The following CALN1 variants were observed in gnomAD, a reference collection of about 807,000 sequenced individuals.
The protein encoded by CALN1 is calcium-binding protein 8.
Under a neutral mutation model 30.6 loss-of-function variants are expected in CALN1, and 17 were observed. That is an observed-to-expected ratio of 0.56 (90% CI 0.38 to 0.83). The LOEUF (loss-of-function observed/expected upper bound fraction) is 0.83, where lower values mean the gene tolerates loss of function less well. Ranked by LOEUF, CALN1 falls within the 40% of genes least tolerant of loss-of-function variation. CALN1 has a pLI of 0.00. For missense variants in CALN1, 291 were observed against 354.9 expected, an observed-to-expected ratio of 0.82 and a Z score of 1.45; for synonymous variants, 156 against 131.4, an observed-to-expected ratio of 1.19 and a Z score of -1.28.
intron 5 of CALN1, among the ~76,000 whole-genome samples, chr7:71,843,397 T>C (rs548843434): frequency 2.0e-4 from 30 of 152,152 alleles, no homozygotes; most frequent in African/African-American, 6.3e-4. Context: ...GGGGGATGAA[T>C]TGCTTGAGCT....
chr7:72,093,573 T>G (rs538192447), intron 4 of CALN1, among the ~76,000 whole-genome samples: 16 of 152,318 alleles, frequency 1.1e-4, no homozygotes, highest in Non-Finnish European at 2.1e-4. Flanking sequence ...TTATTTAAAG[T>G]AAGGCTTTGG....
intron 5 of CALN1, among the ~76,000 whole-genome samples, chr7:71,926,049 C>G (rs1795254315): frequency 6.6e-6 from 1 of 152,126 alleles, no homozygotes. Context: ...ACAACTGTCA[C>G]AACTCAGATC....
intron 2 of CALN1, among the ~76,000 whole-genome samples, chr7:72,289,188 C>G (rs541252562): frequency 1.8e-4 from 28 of 152,152 alleles, no homozygotes; most frequent in African/African-American, 6.8e-4. Flanking sequence ...CTGGACAATT[C>G]TAAGTCATTA....
chr7:72,363,423 G>C (rs570083999), intron 2 of CALN1, among the ~76,000 whole-genome samples: 1 of 152,014 alleles, frequency 6.6e-6, no homozygotes, highest in African/African-American at 2.4e-5. Context: ...ATTTTTAGTA[G>C]AGAAGGGGTT....
At chr7:72,032,230 T>C (rs574575469) in intron 4 of CALN1, among the ~76,000 whole-genome samples, 5 of 151,488 alleles carry the variant, frequency 3.3e-5, no homozygotes, top group African/African-American at 9.7e-5. Flanking sequence ...AGCTAATTTT[T>C]TGTATTTTTA....
chr7:71,985,800 G>T (rs532459565), intron 5 of CALN1, among the ~76,000 whole-genome samples: 6 of 151,956 alleles, frequency 3.9e-5, no homozygotes, highest in African/African-American at 1.4e-4. Flanking sequence ...GTGTTGGCCA[G>T]GCTGGTCTTG....
intron 6 of CALN1, among the ~76,000 whole-genome samples, chr7:71,797,104 T>C (rs187435923): frequency 2.9e-4 from 44 of 152,320 alleles, no homozygotes; most frequent in African/African-American, 9.9e-4. Flanking sequence ...AACAGGTTCA[T>C]AATCCCTCTG....
intron 3 of CALN1, among the ~76,000 whole-genome samples, chr7:72,109,042 C>CTT (rs1807375787): frequency 6.6e-6 from 1 of 152,152 alleles, no homozygotes. Context: ...CTTTTCTGAG[C>CTT]GGTAAGCACC....
intron 1 of CALN1, among the ~76,000 whole-genome samples, chr7:72,407,238 AC>A (rs1806761205): frequency 1.3e-5 from 2 of 152,180 alleles, no homozygotes; most frequent in South Asian, 4.1e-4. Flanking sequence ...TCTGGGCTTC[AC>A]TTTCCTGATC....
intron 5 of CALN1, among the ~76,000 whole-genome samples, chr7:71,861,296 C>A (rs1187375998): frequency 6.6e-6 from 1 of 152,120 alleles, no homozygotes; most frequent in Non-Finnish European, 1.5e-5. Flanking sequence ...AAGAGAGACA[C>A]CTTCCCTGAC....
chr7:71,933,738 C>T (rs772991272), intron 5 of CALN1, among the ~76,000 whole-genome samples: 9 of 152,248 alleles, frequency 5.9e-5, no homozygotes, highest in Admixed American at 2.0e-4. Flanking sequence ...TAAATCTTAG[C>T]TTATCTCCCA....
chr7:72,172,766 A>G (rs1020192359), intron 3 of CALN1, among the ~76,000 whole-genome samples: 5 of 152,208 alleles, frequency 3.3e-5, no homozygotes, highest in Admixed American at 1.3e-4. Context: ...ATCTCTCAGC[A>G]AATTAGAAAT....
intron 3 of CALN1, among the ~76,000 whole-genome samples, chr7:72,143,805 A>G (rs1810139505): frequency 6.6e-6 from 1 of 152,232 alleles, no homozygotes; most frequent in Admixed American, 6.5e-5. Flanking sequence ...GCCAGAAGAG[A>G]GTGGGGACCA....
intron 5 of CALN1, among the ~76,000 whole-genome samples, chr7:71,912,459 TA>T (rs1472001378): frequency 6.6e-6 from 1 of 152,182 alleles, no homozygotes; most frequent in Non-Finnish European, 1.5e-5. Flanking sequence ...TGCAGCAACT[TA>T]AAAACACAGA....
chr7:71,972,016 AAAAGAAAG>A (rs150077575), intron 5 of CALN1, among the ~76,000 whole-genome samples: 291 of 143,772 alleles, frequency 2.0e-3, no homozygotes, highest in Admixed American at 6.8e-3. Context: ...AAAAAGAAAG[AAAAGAAAG>A]AAAGAAAGAA....
At chr7:71,951,934 C>CTT (rs112015462) in intron 5 of CALN1, among the ~76,000 whole-genome samples, 1 of 146,830 alleles carries the variant, frequency 6.8e-6, no homozygotes, top group African/African-American at 2.5e-5. Context: ...CTGCTGCAGC[C>CTT]TTTTTTTTTT....
chr7:71,832,893 G>A (rs558018276), intron 5 of CALN1, among the ~76,000 whole-genome samples: 5 of 151,848 alleles, frequency 3.3e-5, no homozygotes, highest in Admixed American at 6.6e-5. Flanking sequence ...GGCGTGAGCC[G>A]CCATGCTCGC....
At chr7:72,338,525 G>GTGTGTGTCTGTC in intron 2 of CALN1, among the ~76,000 whole-genome samples, 3,307 of 122,244 alleles carry the variant, frequency 0.027, 189 homozygotes, top group Non-Finnish European at 0.034. Flanking sequence ...GTGTGTGTGT[G>GTGTGTGTCTGTC]TGTCTCACCT....
chr7:72,183,694 G>C (rs1585112611), intron 3 of CALN1, among the ~76,000 whole-genome samples: 1 of 152,142 alleles, frequency 6.6e-6, no homozygotes, highest in East Asian at 1.9e-4. Flanking sequence ...AAGACATCTT[G>C]GAGAAATAAA....
Sources: allele counts gnomAD v4.1 joint callset (sites outside exome capture counted in the v4.1 genomes callset), GRCh38; gene constraint gnomAD v4.1.1; transcripts MANE v1.5; gene names NCBI Gene and HGNC (gene_info 2026-07-23, HGNC 2026-07-21).